Variants in CYFIP2 observed in about 807,000 individuals in gnomAD.
The protein encoded by CYFIP2 is cytoplasmic FMR1 interacting protein 2, also known as cytoplasmic FMR1-interacting protein 2.
CYFIP2 carries 29 observed loss-of-function variants against 158.7 expected under a neutral mutation model. That is an observed-to-expected ratio of 0.18 (90% confidence interval 0.14 to 0.25). The LOEUF (loss-of-function observed/expected upper bound fraction) is 0.25. CYFIP2 is among the 10% of genes least tolerant of loss of function. CYFIP2 has a pLI of 1.00. For missense variants in CYFIP2, 852 were observed against 1,639.5 expected (o/e 0.52, Z 8.29); for synonymous variants, 585 against 617.6 (o/e 0.95, Z 0.78).
intron 6 of CYFIP2, among the ~76,000 whole-genome samples, chr5:157,302,157 G>C (rs996085279): frequency 3.3e-5 from 5 of 152,164 alleles, no homozygotes; most frequent in African/African-American, 1.2e-4. Flanking sequence ...CATGAGCAAG[G>C]TGGGGTGTCT....
chr5:157,285,296 G>T, intron 1 of CYFIP2, 43 bp from the exon 2 acceptor site: 1 of 1,353,920 alleles, frequency 7.4e-7, no homozygotes, highest in Non-Finnish European at 1.0e-6. Flanking sequence ...GAATTTTAGA[G>T]GCCCCTGAAA....
rs1245667796 is a variant in CYFIP2 at position 157,311,547 on chromosome 5, A to G, written c.993-117A>G. 2.5e-6 allele frequency: 2 copies of G among 806,028 alleles called. No homozygotes were observed. The highest frequency in any genetic ancestry group is 4.0e-6 in the Non-Finnish European group (2 of 501,024). 49.9% of individuals were successfully genotyped at this position (806,028 alleles called of 1,614,324 possible). On this transcript the variant is annotated intron_variant, in intron 10 of 30. Transcript: ENST00000620254. This position sits in a 1 kb window ranked among gnomAD's most constrained non-coding sequence, Gnocchi z 4.7. ...TTCTTGCTGAGGCGGCTGGGATACC[A>G]TTTGGTGTCACCCAGGGGAGTTGGC... is the stretch of plus-strand genomic sequence containing the variant.
intron 21 of CYFIP2, among the ~76,000 whole-genome samples, chr5:157,334,245 G>A (rs12652242): frequency 0.46 from 70,633 of 152,028 alleles, 18,256 homozygotes; most frequent in African/African-American, 0.71. Context: ...CATAGGGTAG[G>A]TTGCCAGGGA....
Position 157,323,863 on chromosome 5 carries a change from T to A in CYFIP2, c.1672-58T>A, listed in dbSNP as rs766608541. On this transcript the variant is annotated intron_variant, in intron 15 of 30. Transcript: ENST00000620254. ...TACATAAATACAACATGAAGCAACC[T>A]TTTTCCCCGGGGTAGAGGGCCAGCT... The A allele has an allele frequency of 8.4e-6, 12 of 1,434,952 alleles. No homozygotes were observed. In the African/African-American group the frequency reaches 1.4e-4, roughly 17 times the overall value. The allele number at this position is 1,434,952 out of a possible 1,614,324, so 88.9% of individuals were successfully genotyped here.
intron 14 of CYFIP2, 61 bp from the exon 15 acceptor site, chr5:157,320,594 G>T (rs1048588823): frequency 6.2e-7 from 1 of 1,607,370 alleles, no homozygotes; most frequent in Non-Finnish European, 8.5e-7. Flanking sequence ...AGAAACACAA[G>T]CTTGTAGTGA....
At chr5:157,380,185 A>C (rs1388979343) in intron 26 of CYFIP2, 1 of 152,238 alleles carries the variant, frequency 6.6e-6, no homozygotes, top group Admixed American at 6.5e-5. Context: ...TGGGTTTTAC[A>C]ATAATGATGT....
At chr5:157,384,605 C>A (rs550302292) in intron 28 of CYFIP2, 4 of 426,666 alleles carry the variant, frequency 9.4e-6, no homozygotes, top group South Asian at 6.4e-5. Flanking sequence ...CCAGCCCGGC[C>A]CCCGCATGCC....
chr5:157,270,754 G>A (rs955747158), intron 1 of CYFIP2, among the ~76,000 whole-genome samples: 18 of 152,298 alleles, frequency 1.2e-4, no homozygotes, highest in Admixed American at 9.8e-4. Flanking sequence ...TATTGACAAG[G>A]CAGCCTTGGA....
intron 1 of CYFIP2, among the ~76,000 whole-genome samples, chr5:157,280,036 T>A (rs1756868067): frequency 6.6e-6 from 1 of 152,234 alleles, no homozygotes; most frequent in Non-Finnish European, 1.5e-5. Context: ...CTACAGAAGT[T>A]GTATTTGCCA....
In CYFIP2 at chr5:157,333,441, A is replaced by G. The variant is rs1761629276; in HGVS notation, c.2380A>G (p.Ile794Val). 10 of 1,613,752 alleles carry G rather than the reference A, an allele frequency of 6.2e-6. No individual in the cohort carries two copies. Among genetic ancestry groups the G allele is most frequent in the Middle Eastern group, 1.6e-4 (1 of 6,082 alleles). ...CTTTGAGAGTGAGGACCTGACCTCC[A>G]TTGTGGTAAGAGTCTGGGAGCGTGT... ...SRFESEDLTS[I>V]VELEWLLEIN... The change falls in exon 21 of 31, where the codon ATT becomes GTT. Residue 794 changes from isoleucine to valine, a missense_variant. Ile to Val is a conservative substitution (Grantham distance 29). This residue lies in a region of CYFIP2 where 191 missense variants were observed against 311.2 expected (regional missense o/e 0.61). Transcript: ENST00000620254.
intron 23 of CYFIP2, among the ~76,000 whole-genome samples, chr5:157,352,762 TC>T (rs1763154877): frequency 6.6e-6 from 1 of 152,008 alleles, no homozygotes; most frequent in Admixed American, 6.6e-5. Context: ...TGGAAAGAGG[TC>T]TTTGGAGATG....
At chr5:157,316,769 C>T (rs538824827) in intron 13 of CYFIP2, among the ~76,000 whole-genome samples, 1 of 152,188 alleles carries the variant, frequency 6.6e-6, no homozygotes, top group East Asian at 1.9e-4. Flanking sequence ...GAGAATCAAA[C>T]AATAATTGTC....
rs1760439649 is a variant in CYFIP2, at chr5:157,319,756, G to A, written c.1357-6G>A. On this transcript the variant is annotated splice_region_variant and splice_polypyrimidine_tract_variant and intron_variant, in intron 13 of 30. Transcript: ENST00000620254. ...TGAACATGACCCTTGGCCTCTTCCT[G>A]CCCAGGTGATCGCCATGATCAAAGG... 7 of 1,613,902 alleles carry A rather than the reference G, an allele frequency of 4.3e-6. No homozygotes were observed. The African/African-American group carries it at 6.7e-5, about 15-fold the overall frequency.
Position 157,361,345 on chromosome 5 carries a change from G to C in CYFIP2, c.2909-123G>C. 1 of 1,212,696 alleles carries C rather than the reference G, an allele frequency of 8.2e-7. No individual in the cohort carries two copies. Among genetic ancestry groups the C allele is most frequent in the African/African-American group, 1.5e-5 (1 of 66,910 alleles). 75.1% of individuals were successfully genotyped at this position (1,212,696 alleles called of 1,614,324 possible). A position where few individuals can be genotyped will look rare whatever the true frequency, so the allele number is the denominator to read the frequency against. On this transcript the variant is annotated intron_variant, in intron 25 of 30. Transcript: ENST00000620254. The surrounding 1 kb of genome is among the most constrained non-coding windows in gnomAD (Gnocchi z 4.4). ...TCACTCTGGGCCTGCAGGTAAGAGG[G>C]ATGCGTGGTTTGGCTTTTTGCTATC...
At chr5:157,309,664 C>T in intron 9 of CYFIP2, 79 bp from the exon 10 acceptor site, 2 of 1,322,874 alleles carry the variant, frequency 1.5e-6, no homozygotes, top group South Asian at 1.3e-5. Context: ...AGGCCTGCCT[C>T]CCACAGTGGG....
chr5:157,368,245 G>A (rs1764614287), intron 26 of CYFIP2, among the ~76,000 whole-genome samples: 1 of 152,148 alleles, frequency 6.6e-6, no homozygotes, highest in Admixed American at 6.5e-5. Context: ...TTAAATTATT[G>A]TTTAGATTTA....
At chr5:157,334,374 AC>A (rs1761706331) in intron 21 of CYFIP2, among the ~76,000 whole-genome samples, 1 of 152,202 alleles carries the variant, frequency 6.6e-6, no homozygotes, top group Non-Finnish European at 1.5e-5. Context: ...GCCGCAGTAC[AC>A]CTACAAATGG....
intron 3 of CYFIP2, among the ~76,000 whole-genome samples, chr5:157,288,306 C>T (rs1757552172): frequency 6.6e-6 from 1 of 152,120 alleles, no homozygotes; most frequent in Non-Finnish European, 1.5e-5. Flanking sequence ...GGGGGTAGAG[C>T]CCTCATGACC....
chr5:157,366,912 A>G (rs1439804410), intron 26 of CYFIP2, among the ~76,000 whole-genome samples: 3 of 152,222 alleles, frequency 2.0e-5, no homozygotes, highest in Non-Finnish European at 2.9e-5. Flanking sequence ...AGCATACACC[A>G]GGAGAGGGAC....
Sources: gnomAD v4.1 joint callset for allele counts (sites outside exome capture counted in the v4.1 genomes callset) on GRCh38, gnomAD v4.1.1 for gene constraint, gnomAD v4.1.1 regional missense constraint, Gnocchi (gnomAD v3.1) non-coding constraint, MANE v1.5 for transcripts, NCBI Gene and HGNC (gene_info 2026-07-23, HGNC 2026-07-21) for gene names.